The following DOK6 variants were observed in gnomAD, a reference collection of about 807,000 sequenced individuals.
DOK6 encodes the protein docking protein 6.
A neutral mutation model predicts 44.0 loss-of-function variants in DOK6; 22 were observed. The observed-to-expected ratio is 0.50, with a 90% CI of 0.36 to 0.71. DOK6 has a LOEUF of 0.71. DOK6 is among the 30% of genes least tolerant of loss of function. The pLI is 0.00. For missense variants in DOK6, 340 were observed against 416.4 expected, an observed-to-expected ratio of 0.82 and a Z score of 1.60; for synonymous variants, 166 against 145.5, an observed-to-expected ratio of 1.14 and a Z score of -1.01.
At chr18:69,684,310 A>C (rs1198914289) in intron 4 of DOK6, among the ~76,000 whole-genome samples, 1 of 152,210 alleles carries the variant, frequency 6.6e-6, no homozygotes, top group Non-Finnish European at 1.5e-5. Context: ...GATGTTTTGT[A>C]GTGCTTCTCT....
At chr18:69,420,040 AACT>A (rs1156667276) in intron 1 of DOK6, among the ~76,000 whole-genome samples, 2 of 152,118 alleles carry the variant, frequency 1.3e-5, no homozygotes, top group African/African-American at 4.8e-5. Context: ...AATTTTTACA[AACT>A]ACATTTTATA....
chr18:69,623,467 T>A (rs1422767973), intron 3 of DOK6, among the ~76,000 whole-genome samples: 1 of 152,196 alleles, frequency 6.6e-6, no homozygotes, highest in African/African-American at 2.4e-5. Flanking sequence ...AAATTCAACT[T>A]CAGTCTAAAT....
chr18:69,524,960 A>T (rs973022363), intron 1 of DOK6, among the ~76,000 whole-genome samples: 5 of 147,610 alleles, frequency 3.4e-5, no homozygotes, highest in African/African-American at 9.9e-5. Context: ...TAATAAATGG[A>T]TATTAAATGA....
chr18:69,647,409 C>G lies in DOK6; in HGVS notation c.290-30325C>G, dbSNP rs181204528. The G allele has an allele frequency of 3.2e-3, 485 of 152,188 alleles. 4 individuals carry two copies. The highest frequency in any genetic ancestry group is 0.01 in the African/African-American group (435 of 41,514). 9.4% of individuals were successfully genotyped at this position (152,188 alleles called of 1,614,324 possible). A position where few individuals can be genotyped will look rare whatever the true frequency, so the allele number is the denominator to read the frequency against. ...GGCAGTCATCATTATCCTACAGGACCCTGGAAGTCCCACAGCTTGCAAATT... is the reference window on the plus strand; with the variant it reads ...GGCAGTCATCATTATCCTACAGGACGCTGGAAGTCCCACAGCTTGCAAATT... On this transcript the variant is annotated intron_variant, in intron 3 of 7. Coordinates refer to ENST00000382713, the MANE Select transcript of DOK6 (RefSeq NM_152721.6).
intron 1 of DOK6, among the ~76,000 whole-genome samples, chr18:69,487,272 T>C (rs1360583872): frequency 6.6e-6 from 1 of 151,824 alleles, no homozygotes; most frequent in Non-Finnish European, 1.5e-5. Context: ...CACTTTTCAA[T>C]GTCCTGTTAC....
chr18:69,457,561 G>A (rs554806222), intron 1 of DOK6, among the ~76,000 whole-genome samples: 12 of 152,308 alleles, frequency 7.9e-5, no homozygotes, highest in African/African-American at 2.2e-4. Flanking sequence ...CTGAAGTCAG[G>A]TGATGTGATG....
chr18:69,647,147 AT>A (rs1985103567), intron 3 of DOK6, among the ~76,000 whole-genome samples: 1 of 149,224 alleles, frequency 6.7e-6, no homozygotes, highest in Non-Finnish European at 1.5e-5. Context: ...TATCTACCCT[AT>A]CCATCTATCC....
At chr18:69,620,252 A>G (rs184387454) in intron 3 of DOK6, among the ~76,000 whole-genome samples, 37 of 152,308 alleles carry the variant, frequency 2.4e-4, no homozygotes, top group Non-Finnish European at 4.4e-5. Context: ...AACAAGTATT[A>G]TACTCCATTA....
At position 69,599,367 on chromosome 18, in the gene DOK6, A is replaced by G. The variant is rs151239121; in HGVS notation, c.175-17A>G. On this transcript the variant is annotated splice_polypyrimidine_tract_variant and intron_variant, in intron 2 of 7. Coordinates refer to ENST00000382713, the MANE Select transcript of DOK6 (RefSeq NM_152721.6). ...ATACATACTGTACACTAAGTTAAAT[A>G]TATTTTTTCTTTCAAGGTAACTGAA... The G allele has an allele frequency of 2.5e-4, 395 of 1,584,220 alleles. 2 individuals carry two copies. In the African/African-American group the frequency reaches 4.5e-3, roughly 18 times the overall value.
At chr18:69,423,802 A>G (rs560848378) in intron 1 of DOK6, among the ~76,000 whole-genome samples, 94 of 152,340 alleles carry the variant, frequency 6.2e-4, no homozygotes, top group South Asian at 3.3e-3. Context: ...CTTAAAACAT[A>G]ATTTGCTGTG....
At chr18:69,529,965 T>C (rs17081164) in intron 1 of DOK6, among the ~76,000 whole-genome samples, 1,892 of 152,326 alleles carry the variant, frequency 0.012, 35 homozygotes, top group African/African-American at 0.036. Flanking sequence ...CTATATCTTG[T>C]TTCTGGCAAG....
chr18:69,694,058 C>CAAAAAAAAA lies in DOK6; in HGVS notation c.410-4322_410-4314dup, dbSNP rs60662789. Among the ~76,000 whole-genome samples the CAAAAAAAAA allele has an allele frequency of 1.5e-4, 9 of 62,004 alleles. No homozygotes were observed. In the East Asian group the frequency reaches 2.1e-3, roughly 14 times the overall value. 40.7% of individuals were successfully genotyped at this position (62,004 alleles called of 152,430 possible). ...TGGGCGACAGAGCGAGACTCCGTGT[C>CAAAAAAAAA]AAAAAAAAAAAAAAAAAAAAAAAAA... is the stretch of plus-strand genomic sequence containing the variant. On this transcript the variant is annotated intron_variant, in intron 4 of 7. Coordinates refer to ENST00000382713, the MANE Select transcript of DOK6 (RefSeq NM_152721.6).
intron 1 of DOK6, among the ~76,000 whole-genome samples, chr18:69,439,587 C>T (rs1979080652): frequency 6.6e-6 from 1 of 152,212 alleles, no homozygotes; most frequent in Non-Finnish European, 1.5e-5. Context: ...GCTGCTTCAC[C>T]TTTCACTTTT....
chr18:69,751,609 A>G lies in DOK6; in HGVS notation c.739-6147A>G, dbSNP rs571104688. Reference sequence around the variant, plus strand: ...CTTTTCAAGTACTTACAAGATGTACAGAAATTGGCCATATTAGTTAAAAAT... The same window carrying G: ...CTTTTCAAGTACTTACAAGATGTACGGAAATTGGCCATATTAGTTAAAAAT... On this transcript the variant is annotated intron_variant, in intron 6 of 7. Coordinates refer to ENST00000382713, the MANE Select transcript of DOK6 (RefSeq NM_152721.6). Among the ~76,000 whole-genome samples, 71 of 152,336 alleles carry G rather than the reference A, an allele frequency of 4.7e-4. No homozygotes were observed. In the South Asian group the frequency reaches 0.014, roughly 29 times the overall value.
chr18:69,635,598 C>G (rs530154529), intron 3 of DOK6, among the ~76,000 whole-genome samples: 10 of 152,296 alleles, frequency 6.6e-5, no homozygotes, highest in African/African-American at 2.4e-4. Flanking sequence ...GTGACAGCAA[C>G]GAGGATCTGA....
chr18:69,723,955 C>T (rs1229901281), intron 5 of DOK6, among the ~76,000 whole-genome samples: 1 of 152,230 alleles, frequency 6.6e-6, no homozygotes, highest in African/African-American at 2.4e-5. Context: ...CTGCTCTGTG[C>T]ATCCTAGTGC....
chr18:69,768,530 T>C (rs1979788169), intron 7 of DOK6, among the ~76,000 whole-genome samples: 1 of 151,522 alleles, frequency 6.6e-6, no homozygotes, highest in Admixed American at 6.6e-5. Flanking sequence ...CATCTCTGTC[T>C]CTGGCCCTTC....
At chr18:69,560,600 A>T (rs936209064) in intron 1 of DOK6, among the ~76,000 whole-genome samples, 10 of 152,266 alleles carry the variant, frequency 6.6e-5, no homozygotes, top group African/African-American at 2.4e-4. Context: ...AACTATACTG[A>T]TGCAAGCAAT....
chr18:69,503,799 A>G (rs563879448), intron 1 of DOK6, among the ~76,000 whole-genome samples: 47 of 152,176 alleles, frequency 3.1e-4, no homozygotes, highest in South Asian at 1.9e-3. Flanking sequence ...TATATTGAAT[A>G]ATATTTTAAA....
Sources: gnomAD v4.1 joint callset for allele counts (sites outside exome capture counted in the v4.1 genomes callset) on GRCh38, gnomAD v4.1.1 for gene constraint, MANE v1.5 for transcripts, NCBI Gene and HGNC (gene_info 2026-07-23, HGNC 2026-07-21) for gene names.